The following RASGRF2 variants were observed in gnomAD, a reference collection of about 807,000 sequenced individuals.
RASGRF2 encodes the protein ras-specific guanine nucleotide-releasing factor 2.
RASGRF2 carries 76 observed loss-of-function variants against 151.0 expected under a neutral mutation model. The observed-to-expected ratio is 0.50, with a 90% CI of 0.42 to 0.61. The LOEUF is 0.61. Ranked by LOEUF, RASGRF2 falls within the 20% of genes least tolerant of loss-of-function variation. RASGRF2 has a pLI of 0.00. For synonymous variants in RASGRF2, 504 were observed against 566.5 expected (o/e 0.89, Z 1.57); for missense variants, 1,148 against 1,564.6 (o/e 0.73, Z 4.49).
At chr5:80,969,815 CTTTTTTT>C (rs10584906) in intron 1 of RASGRF2, among the ~76,000 whole-genome samples, 7 of 76,944 alleles carry the variant, frequency 9.1e-5, no homozygotes, top group South Asian at 4.8e-4. Context: ...ACTTCTTCTT[CTTTTTTT>C]TTTTTTTTTT....
chr5:81,126,762 A>G (rs974036580), intron 16 of RASGRF2, among the ~76,000 whole-genome samples: 3 of 152,224 alleles, frequency 2.0e-5, no homozygotes, highest in African/African-American at 7.2e-5. Flanking sequence ...GTGGCTAAAT[A>G]ATATTCCCTT....
chr5:80,970,882 C>G (rs1747909039), intron 1 of RASGRF2, among the ~76,000 whole-genome samples: 1 of 152,138 alleles, frequency 6.6e-6, no homozygotes, highest in African/African-American at 2.4e-5. Flanking sequence ...CTGTGATAGG[C>G]CACATTCTCT....
At chr5:81,070,652 C>T in intron 4 of RASGRF2, 71 bp downstream of exon 4, 2 of 1,354,572 alleles carry the variant, frequency 1.5e-6, no homozygotes, top group Non-Finnish European at 2.1e-6. Context: ...GGTGTCTTTG[C>T]CACCCTGTGC....
chr5:81,074,271 A>G (rs937640934), intron 5 of RASGRF2, among the ~76,000 whole-genome samples: 1 of 152,198 alleles, frequency 6.6e-6, no homozygotes, highest in Non-Finnish European at 1.5e-5. Flanking sequence ...CATTAGTGAA[A>G]TAGATAGTAT....
intron 18 of RASGRF2, among the ~76,000 whole-genome samples, chr5:81,191,342 G>T (rs1755149891): frequency 6.6e-6 from 1 of 152,088 alleles, no homozygotes; most frequent in Non-Finnish European, 1.5e-5. Context: ...GAATGTCAAA[G>T]ATGCTACTTC....
intron 17 of RASGRF2, among the ~76,000 whole-genome samples, chr5:81,145,892 A>G (rs1051236201): frequency 2.0e-5 from 3 of 152,264 alleles, no homozygotes; most frequent in Non-Finnish European, 2.9e-5. Flanking sequence ...AGGTAGATAC[A>G]GATAACTCAT....
intron 1 of RASGRF2, among the ~76,000 whole-genome samples, chr5:81,029,206 G>T (rs1174389012): frequency 6.6e-6 from 1 of 152,208 alleles, no homozygotes; most frequent in Non-Finnish European, 1.5e-5. Flanking sequence ...TGCCTCTGTA[G>T]ACTCCACCTC....
At chr5:81,021,080 C>T (rs1490931192) in intron 1 of RASGRF2, among the ~76,000 whole-genome samples, 1 of 152,114 alleles carries the variant, frequency 6.6e-6, no homozygotes, top group Non-Finnish European at 1.5e-5. Flanking sequence ...GTTGCTGGGG[C>T]TGGAGTATGG....
rs749445369 is a variant in RASGRF2, at chr5:80,960,907, G to A, written c.169G>A (p.Glu57Lys). 12 of 1,606,088 alleles carry A rather than the reference G, an allele frequency of 7.5e-6. No individual in the cohort carries two copies. The highest frequency in any genetic ancestry group is 1.0e-5 in the Non-Finnish European group (12 of 1,174,480). The change falls in exon 1 of 27, where the codon GAG becomes AAG. Residue 57 changes from glutamate (E) to lysine (K), a missense_variant. Glu to Lys is a moderately conservative substitution (Grantham distance 56). Transcript: ENST00000265080. The surrounding 1 kb of genome is among the most constrained non-coding windows in gnomAD (Gnocchi z 5.5). ...GAATGTGCTCTTCTACTTCGAGGGC[G>A]AGCAGAGCTGCCGCCCGGCGGGCAT... Reference protein sequence around the residue: ...YQNVLFYFEGEQSCRPAGMYL... With the variant: ...YQNVLFYFEGKQSCRPAGMYL...
At chr5:81,082,450 G>A (rs1048542315) in intron 7 of RASGRF2, among the ~76,000 whole-genome samples, 1 of 152,142 alleles carries the variant, frequency 6.6e-6, no homozygotes, top group Non-Finnish European at 1.5e-5. Context: ...ACATTGGACT[G>A]GGAATCTTTA....
intron 19 of RASGRF2, among the ~76,000 whole-genome samples, chr5:81,205,676 C>T (rs748057976): frequency 3.3e-5 from 5 of 152,306 alleles, no homozygotes; most frequent in Non-Finnish European, 2.9e-5. Context: ...ATAAATCTTT[C>T]GCCTTTTACT....
intron 18 of RASGRF2, among the ~76,000 whole-genome samples, chr5:81,190,779 A>G (rs1396108249): frequency 6.6e-6 from 1 of 152,238 alleles, no homozygotes; most frequent in Non-Finnish European, 1.5e-5. Context: ...TTAAGCTAGC[A>G]TAAGCTAGAT....
chr5:81,028,292 T>C (rs1750108840), intron 1 of RASGRF2, among the ~76,000 whole-genome samples: 1 of 152,202 alleles, frequency 6.6e-6, no homozygotes, highest in South Asian at 2.1e-4. Flanking sequence ...TAATTTGCAT[T>C]TAAAGTGCAA....
At chr5:80,974,467 G>A (rs536142761) in intron 1 of RASGRF2, among the ~76,000 whole-genome samples, 41 of 152,354 alleles carry the variant, frequency 2.7e-4, no homozygotes, top group African/African-American at 9.1e-4. Context: ...CGGTGAACTA[G>A]GCCCAGGCAT....
chr5:81,125,967 A>G (rs1340351966), intron 16 of RASGRF2, among the ~76,000 whole-genome samples: 6 of 152,254 alleles, frequency 3.9e-5, no homozygotes, highest in East Asian at 1.9e-4. Context: ...CCAAAATGCA[A>G]TAAGTCTGTT....
intron 17 of RASGRF2, among the ~76,000 whole-genome samples, chr5:81,139,698 A>G (rs1156518219): frequency 6.6e-6 from 1 of 152,078 alleles, no homozygotes; most frequent in Non-Finnish European, 1.5e-5. Flanking sequence ...ACTGGTGATG[A>G]TATAGTTGGT....
At chr5:81,032,767 A>G (rs527334516) in intron 1 of RASGRF2, among the ~76,000 whole-genome samples, 1 of 152,270 alleles carries the variant, frequency 6.6e-6, no homozygotes, top group South Asian at 2.1e-4. Context: ...CACCACTCCT[A>G]TTCAACATAG....
At chr5:81,034,391 C>G (rs1242183311) in intron 1 of RASGRF2, among the ~76,000 whole-genome samples, 2 of 152,002 alleles carry the variant, frequency 1.3e-5, no homozygotes, top group African/African-American at 2.4e-5. Context: ...GACAGTGTGG[C>G]GATTCCTCAG....
chr5:81,159,811 T>C (rs1300244321), intron 17 of RASGRF2, among the ~76,000 whole-genome samples: 6 of 152,230 alleles, frequency 3.9e-5, no homozygotes, highest in African/African-American at 1.4e-4. Context: ...ATTATTCTCA[T>C]TTTATCTTCA....
Sources: gnomAD v4.1 joint callset for allele counts (sites outside exome capture counted in the v4.1 genomes callset) on GRCh38, gnomAD v4.1.1 for gene constraint, Gnocchi (gnomAD v3.1) non-coding constraint, MANE v1.5 for transcripts, NCBI Gene and HGNC (gene_info 2026-07-23, HGNC 2026-07-21) for gene names.